The following LRTM3 variants were observed in gnomAD, a reference collection of about 807,000 sequenced individuals.
The protein encoded by LRTM3 is leucine-rich repeat transmembrane protein 3.
chr13:102,745,846 A>G, the LRTM3 span: 2 of 1,551,238 alleles, frequency 1.3e-6, no homozygotes, highest in South Asian at 2.4e-5. Context: ...GATCCAGTGT[A>G]GGGCATGAAG....
the LRTM3 span, chr13:102,738,950 G>A: frequency 8.9e-5 from 138 of 1,550,316 alleles, no homozygotes; most frequent in East Asian, 2.9e-4. Flanking sequence ...GTCTTTCTGC[G>A]GCATATGTTT....
the LRTM3 span, chr13:102,747,232 G>T: frequency 6.5e-7 from 1 of 1,550,342 alleles, no homozygotes; most frequent in Non-Finnish European, 8.7e-7. Context: ...CATTTAATCT[G>T]CTATACATTC....
chr13:102,731,658 T>C, the LRTM3 span: 2 of 1,551,498 alleles, frequency 1.3e-6, no homozygotes, highest in Non-Finnish European at 1.7e-6. Flanking sequence ...ATAGCTTTGG[T>C]TGCTTCACAA....
At chr13:102,730,211 G>C in the LRTM3 span, 4 of 1,551,172 alleles carry the variant, frequency 2.6e-6, no homozygotes, top group South Asian at 4.8e-5. Flanking sequence ...TTTCAAATCA[G>C]TCGTGATTTT....
At chr13:102,734,483 A>C in the LRTM3 span, 1 of 1,551,296 alleles carries the variant, frequency 6.4e-7, no homozygotes, top group Non-Finnish European at 8.7e-7. Context: ...TTGCCCTCCA[A>C]TGTTCACATG....
the LRTM3 span, chr13:102,747,223 A>T: frequency 2.2e-3 from 3,370 of 1,550,628 alleles, 86 homozygotes; most frequent in Non-Finnish European, 3.3e-4. Flanking sequence ...GATTCTCTGC[A>T]TTTAATCTGC....
the LRTM3 span, among the ~76,000 whole-genome samples, chr13:102,757,204 C>A: frequency 3.3e-4 from 51 of 152,246 alleles, no homozygotes; most frequent in African/African-American, 1.2e-3. Flanking sequence ...TACCTACTCA[C>A]ACCTCCAGAT....
At chr13:102,739,394 A>T in the LRTM3 span, 1 of 1,550,254 alleles carries the variant, frequency 6.5e-7, no homozygotes, top group East Asian at 2.4e-5. Flanking sequence ...TGCAGATGAT[A>T]CTCTTCTGGC....
chr13:102,734,952 T>C, the LRTM3 span: 1 of 1,551,202 alleles, frequency 6.4e-7, no homozygotes, highest in African/African-American at 1.4e-5. Flanking sequence ...ATTGGCCTTA[T>C]ACATGTGCCT....
At chr13:102,731,733 G>C in the LRTM3 span, 1 of 1,551,318 alleles carries the variant, frequency 6.4e-7, no homozygotes, top group South Asian at 1.2e-5. Flanking sequence ...CTTTTAACTT[G>C]AGGCGGTATG....
the LRTM3 span, chr13:102,749,007 TC>T: frequency 1.3e-6 from 2 of 1,550,792 alleles, no homozygotes; most frequent in African/African-American, 2.7e-5. Flanking sequence ...GGCATGACTT[TC>T]ACTAGTTGTT....
the LRTM3 span, chr13:102,729,581 T>C: frequency 1.3e-6 from 2 of 1,532,612 alleles, no homozygotes; most frequent in Non-Finnish European, 1.8e-6. Context: ...CCTTAAGGTT[T>C]CAGGGGGAAT....
chr13:102,743,457 T>C, the LRTM3 span: 1 of 1,550,230 alleles, frequency 6.5e-7, no homozygotes, highest in African/African-American at 1.4e-5. Context: ...CTATGTTTTG[T>C]AGTAAACTGC....
the LRTM3 span, chr13:102,741,435 G>A: frequency 6.5e-6 from 10 of 1,550,186 alleles, no homozygotes; most frequent in African/African-American, 9.6e-5. Context: ...TTTGTACAAA[G>A]AAATTTCTGT....
At chr13:102,758,273 TA>T in the LRTM3 span, 1 of 589,700 alleles carries the variant, frequency 1.7e-6, no homozygotes, top group Non-Finnish European at 2.9e-6. Flanking sequence ...CAATTTAAAG[TA>T]AATGTTAGAT....
chr13:102,753,182 G>A, the LRTM3 span, among the ~76,000 whole-genome samples: 1 of 152,192 alleles, frequency 6.6e-6, no homozygotes, highest in Admixed American at 6.5e-5. Flanking sequence ...GGACATGGAT[G>A]AAGCTGGAAA....
chr13:102,757,552 A>G, the LRTM3 span, among the ~76,000 whole-genome samples: 6 of 152,166 alleles, frequency 3.9e-5, no homozygotes, highest in African/African-American at 1.4e-4. Flanking sequence ...CATTCCAGCA[A>G]CTCTGAAATA....
the LRTM3 span, chr13:102,745,183 T>C: frequency 6.4e-7 from 1 of 1,550,908 alleles, no homozygotes; most frequent in Middle Eastern, 1.7e-4. Context: ...TCCCCTGACC[T>C]GAACGGAACA....
the LRTM3 span, chr13:102,729,631 T>C: frequency 1.3e-6 from 2 of 1,549,094 alleles, no homozygotes; most frequent in African/African-American, 2.7e-5. Flanking sequence ...CCAGTGAGTC[T>C]GCCGGTACAC....
Sources: gnomAD v4.1 joint callset for allele counts (sites outside exome capture counted in the v4.1 genomes callset) on GRCh38, gnomAD v4.1.1 for gene constraint, MANE v1.5 for transcripts, NCBI Gene and HGNC (gene_info 2026-07-23, HGNC 2026-07-21) for gene names.